Variants in SCAMP1 observed in about 807,000 individuals in gnomAD.
The protein encoded by SCAMP1 is secretory carrier-associated membrane protein 1.
SCAMP1 carries 15 observed loss-of-function variants against 41.8 expected under a neutral mutation model. The observed-to-expected ratio is 0.36, with a 90% CI of 0.24 to 0.55. The LOEUF (loss-of-function observed/expected upper bound fraction) is 0.55. Ranked by LOEUF, SCAMP1 falls within the 20% of genes least tolerant of loss-of-function variation. The pLI is 0.86. For synonymous variants in SCAMP1, 135 were observed against 136.8 expected (o/e 0.99, Z 0.09); for missense variants, 341 against 412.6 (o/e 0.83, Z 1.50).
chr5:78,382,261 A>G (rs1220091028), intron 1 of SCAMP1, among the ~76,000 whole-genome samples: 3 of 152,220 alleles, frequency 2.0e-5, no homozygotes, highest in Non-Finnish European at 4.4e-5. Context: ...AATGCTTTTC[A>G]TGTGAATTAT....
At chr5:78,451,132 A>C (rs1254279325) in intron 7 of SCAMP1, among the ~76,000 whole-genome samples, 4 of 152,188 alleles carry the variant, frequency 2.6e-5, no homozygotes, top group Non-Finnish European at 4.4e-5. Flanking sequence ...AAAATGCTAA[A>C]ATTGAGCATA....
Position 78,475,512 on chromosome 5 carries a change from A to G in SCAMP1, c.861A>G (p.Gly287=). 1 of 1,603,722 alleles carries G rather than the reference A, an allele frequency of 6.2e-7. No homozygotes were observed. Among genetic ancestry groups the G allele is most frequent in the Non-Finnish European group, 8.5e-7 (1 of 1,176,510 alleles). The change falls in exon 9 of 9, where the codon GGA becomes GGG. Residue 287 remains glycine, a synonymous_variant. Transcript: ENST00000621999. ...TTTTTGTGCCTCTGTAGGTACATGGACTATATCGCACAACAGGTGCTAGTT... is the reference window on the plus strand; with the variant it reads ...TTTTTGTGCCTCTGTAGGTACATGGGCTATATCGCACAACAGGTGCTAGTT... The part of the protein sequence containing the change: ...ISLVMFKKVH[G]LYRTTGASFE...
chr5:78,432,835 T>C (rs548822765), intron 6 of SCAMP1, among the ~76,000 whole-genome samples: 1 of 152,280 alleles, frequency 6.6e-6, no homozygotes, highest in South Asian at 2.1e-4. Flanking sequence ...TTGTAACTTC[T>C]TTATCGTCGC....
chr5:78,453,573 GT>G (rs1422706224), intron 7 of SCAMP1, among the ~76,000 whole-genome samples: 2 of 151,332 alleles, frequency 1.3e-5, no homozygotes, highest in Non-Finnish European at 3.0e-5. Flanking sequence ...GTACCATGCT[GT>G]TTTGGTTACT....
intron 7 of SCAMP1, among the ~76,000 whole-genome samples, chr5:78,451,742 C>T (rs895841434): frequency 6.6e-6 from 1 of 152,214 alleles, no homozygotes; most frequent in Non-Finnish European, 1.5e-5. Flanking sequence ...ACTGCCTCCA[C>T]CTCCTCGGTT....
intron 6 of SCAMP1, among the ~76,000 whole-genome samples, chr5:78,432,473 G>A (rs1752648511): frequency 6.6e-6 from 1 of 151,994 alleles, no homozygotes. Context: ...AGTATAATAT[G>A]GGTTCACAGG....
chr5:78,435,105 T>C (rs142322136), intron 6 of SCAMP1, among the ~76,000 whole-genome samples: 15 of 152,350 alleles, frequency 9.8e-5, no homozygotes, highest in African/African-American at 3.6e-4. Flanking sequence ...ATTTCATACA[T>C]ATGTAAATAT....
chr5:78,388,882 G>C lies in SCAMP1; in HGVS notation c.103G>C (p.Asp35His). The C allele has an allele frequency of 1.3e-5, 20 of 1,561,486 alleles. No homozygotes were observed. The highest frequency in any genetic ancestry group is 1.8e-5 in the Non-Finnish European group (20 of 1,137,222). ...GACAAGAAATGTTCCACCAGGACTT[G>C]ATGAATATAATCCATTCTCGGATTC... ...QVTRNVPPGL[D>H]EYNPFSDSRT... is the part of the protein sequence containing the mutation. The change falls in exon 2 of 9, where the codon GAT (aspartate) becomes CAT (histidine). Residue 35 changes from aspartate (D) to histidine (H), a missense_variant. Transcript: ENST00000621999.
intron 8 of SCAMP1, among the ~76,000 whole-genome samples, chr5:78,470,389 T>C (rs571469953): frequency 6.6e-6 from 1 of 152,324 alleles, no homozygotes; most frequent in East Asian, 1.9e-4. Context: ...TTGCCTATTT[T>C]AGATATTTCA....
In SCAMP1 at chr5:78,479,627, G is replaced by A. The variant is rs951861100; in HGVS notation, c.*3959G>A. On this transcript the variant is annotated 3_prime_UTR_variant, in exon 9 of 9. Transcript: ENST00000621999. Reference sequence around the variant, plus strand: ...GCCACTAACCTGTCTTATATAAGCAGATACCTCTTATTTGAAGATTGTAGG... The same window carrying A: ...GCCACTAACCTGTCTTATATAAGCAAATACCTCTTATTTGAAGATTGTAGG... 2.6e-5 allele frequency among the ~76,000 whole-genome samples: 4 copies of A among 152,186 alleles called. No individual in the cohort carries two copies. The highest frequency in any genetic ancestry group is 6.5e-5 in the Admixed American group (1 of 15,280).
At chr5:78,454,119 C>T (rs1189029689) in intron 7 of SCAMP1, among the ~76,000 whole-genome samples, 4 of 152,112 alleles carry the variant, frequency 2.6e-5, no homozygotes, top group Non-Finnish European at 5.9e-5. Context: ...ACAATCATGT[C>T]GTCTGCAAAC....
intron 2 of SCAMP1, among the ~76,000 whole-genome samples, chr5:78,401,953 C>T (rs1751809966): frequency 6.6e-6 from 1 of 152,040 alleles, no homozygotes; most frequent in African/African-American, 2.4e-5. Flanking sequence ...CAAATATATG[C>T]ACTCAATGCT....
At chr5:78,466,554 A>G (rs1753755946) in intron 8 of SCAMP1, among the ~76,000 whole-genome samples, 1 of 152,208 alleles carries the variant, frequency 6.6e-6, no homozygotes, top group African/African-American at 2.4e-5. Flanking sequence ...AATGTAGCTC[A>G]GAATGGATGG....
At chr5:78,362,283 G>A (rs1286850090) in intron 1 of SCAMP1, among the ~76,000 whole-genome samples, 1 of 152,312 alleles carries the variant, frequency 6.6e-6, no homozygotes, top group African/African-American at 2.4e-5. Flanking sequence ...ATTCACTGAC[G>A]CTGTTTATTC....
chr5:78,388,175 G>C (rs1751392667), intron 1 of SCAMP1, among the ~76,000 whole-genome samples: 1 of 152,192 alleles, frequency 6.6e-6, no homozygotes, highest in African/African-American at 2.4e-5. Context: ...TCCATTAAGT[G>C]GGAGCTGCAA....
At position 78,434,631 on chromosome 5, in the gene SCAMP1, A is replaced by T. The variant is rs7701851; in HGVS notation, c.632+12671A>T. Among the ~76,000 whole-genome samples, 216 of 152,032 alleles carry T rather than the reference A, an allele frequency of 1.4e-3. 2 individuals carry two copies. Among genetic ancestry groups the T allele is most frequent in the East Asian group, 6.0e-3 (31 of 5,172 alleles). On this transcript the variant is annotated intron_variant, in intron 6 of 8. Coordinates refer to ENST00000621999, the MANE Select transcript of SCAMP1 (RefSeq NM_004866.6). Reference sequence around the variant, plus strand: ...TTACAATCTATAAGGTTTTTAAAAAATTTTTTAACATTTTGTTTTTACATC... The same window carrying T: ...TTACAATCTATAAGGTTTTTAAAAATTTTTTTAACATTTTGTTTTTACATC...
intron 1 of SCAMP1, among the ~76,000 whole-genome samples, chr5:78,376,870 T>C (rs569533806): frequency 2.6e-5 from 4 of 152,124 alleles, no homozygotes; most frequent in African/African-American, 4.8e-5. Context: ...ATTTTAAAGA[T>C]GATCAAGACT....
chr5:78,375,920 GA>G (rs1054690941), intron 1 of SCAMP1, among the ~76,000 whole-genome samples: 1 of 151,856 alleles, frequency 6.6e-6, no homozygotes, highest in Non-Finnish European at 1.5e-5. Flanking sequence ...AGCCATATTA[GA>G]AAAAAAGGAA....
chr5:78,410,305 C>T (rs1234650251), intron 2 of SCAMP1, among the ~76,000 whole-genome samples: 1 of 151,960 alleles, frequency 6.6e-6, no homozygotes, highest in African/African-American at 2.4e-5. Context: ...TCCCCATCCC[C>T]ATCTCCCGAC....
Sources: gnomAD v4.1 joint callset for allele counts (sites outside exome capture counted in the v4.1 genomes callset) on GRCh38, gnomAD v4.1.1 for gene constraint, MANE v1.5 for transcripts, NCBI Gene and HGNC (gene_info 2026-07-23, HGNC 2026-07-21) for gene names.